Variants in DLG1 observed in about 807,000 individuals in gnomAD.
DLG1 encodes discs large MAGUK scaffold protein 1, also known as disks large homolog 1.
In DLG1, 42 loss-of-function variants were observed where a neutral mutation model predicts 123.4. The ratio of observed to expected loss-of-function variants is 0.34; its 90% CI spans 0.27 to 0.44. The LOEUF is 0.44. Ranked by LOEUF, DLG1 falls within the 20% of genes least tolerant of loss-of-function variation. The pLI is 1.00. For missense variants in DLG1, 942 were observed against 1,082.6 expected, an observed-to-expected ratio of 0.87 and a Z score of 1.82; for synonymous variants, 317 against 356.2, an observed-to-expected ratio of 0.89 and a Z score of 1.24.
chr3:197,262,740 A>G (rs1759964927), intron 4 of DLG1, among the ~76,000 whole-genome samples: 1 of 152,228 alleles, frequency 6.6e-6, no homozygotes, highest in South Asian at 2.1e-4. Flanking sequence ...ATTGAATTAT[A>G]GGACACCCAG....
At chr3:197,279,200 TTC>T (rs1293686821) in intron 4 of DLG1, among the ~76,000 whole-genome samples, 2 of 152,178 alleles carry the variant, frequency 1.3e-5, no homozygotes, top group African/African-American at 2.4e-5. Context: ...CATGCTTACT[TTC>T]TCTCATAGCA....
intron 24 of DLG1, among the ~76,000 whole-genome samples, chr3:197,050,274 G>A (rs1405857485): frequency 6.6e-6 from 1 of 151,834 alleles, no homozygotes; most frequent in Non-Finnish European, 1.5e-5. Context: ...GGCTGAGGCA[G>A]GAGAATGGCG....
chr3:197,293,660 T>C (rs1413753148), intron 3 of DLG1, among the ~76,000 whole-genome samples: 1 of 151,998 alleles, frequency 6.6e-6, no homozygotes, highest in East Asian at 1.9e-4. Context: ...GAAAAGTCAA[T>C]ATAAACTACC....
chr3:197,142,887 A>G (rs1025442177), intron 6 of DLG1, 119 bp from the exon 7 acceptor site: 5 of 691,390 alleles, frequency 7.2e-6, no homozygotes, highest in African/African-American at 1.9e-5. Context: ...AATCAAACAC[A>G]ATAGCTTCAT....
At chr3:197,113,575 T>A (rs1771321939) in intron 13 of DLG1, among the ~76,000 whole-genome samples, 1 of 152,212 alleles carries the variant, frequency 6.6e-6, no homozygotes, top group Non-Finnish European at 1.5e-5. Context: ...AGCTTTAGTA[T>A]GCTATTTGCA....
Position 197,095,402 on chromosome 3 carries a change from A to AC in DLG1, c.1547-4377dup, listed in dbSNP as rs1760092607. On this transcript the variant is annotated intron_variant, in intron 14 of 24. Transcript: ENST00000667157. ...TCACGTCTTTTTAGATCTTTGAGTC[A>AC]CAGCAGTTTCTCGGTGTTTCCTTGA... 2.0e-5 allele frequency among the ~76,000 whole-genome samples: 3 copies of AC among 152,002 alleles called. No homozygotes were observed. The South Asian group carries it at 6.3e-4, about 32-fold the overall frequency.
intron 13 of DLG1, among the ~76,000 whole-genome samples, chr3:197,106,293 C>G (rs1295462964): frequency 6.6e-6 from 1 of 152,098 alleles, no homozygotes; most frequent in South Asian, 2.1e-4. Context: ...GTAGTCCCAG[C>G]TACTCAGGAG....
At chr3:197,195,542 C>T (rs1394402181) in intron 4 of DLG1, among the ~76,000 whole-genome samples, 2 of 152,150 alleles carry the variant, frequency 1.3e-5, no homozygotes, top group South Asian at 4.1e-4. Flanking sequence ...GAATACTATG[C>T]AGCCATAAAA....
chr3:197,066,646 C>A, intron 20 of DLG1, 58 bp downstream of exon 20: 1 of 1,359,776 alleles, frequency 7.4e-7, no homozygotes, highest in Non-Finnish European at 1.0e-6. Context: ...TTTTTTTCCC[C>A]CAAATTAAAA....
intron 5 of DLG1, among the ~76,000 whole-genome samples, chr3:197,177,471 T>C (rs1807741506): frequency 1.3e-5 from 2 of 152,092 alleles, no homozygotes; most frequent in Admixed American, 1.3e-4. Flanking sequence ...GAAGAAAAAA[T>C]ATTTTATCAA....
chr3:197,275,699 T>C (rs930063188), intron 4 of DLG1, among the ~76,000 whole-genome samples: 2 of 152,098 alleles, frequency 1.3e-5, no homozygotes, highest in Non-Finnish European at 2.9e-5. Context: ...GCTGATCCCA[T>C]GGAGTTGGAG....
intron 4 of DLG1, among the ~76,000 whole-genome samples, chr3:197,207,457 T>C (rs1047365427): frequency 6.6e-6 from 1 of 152,042 alleles, no homozygotes; most frequent in African/African-American, 2.4e-5. Context: ...ACTTTTATCT[T>C]TAACATAATC....
chr3:197,075,776 G>A (rs996539881), intron 18 of DLG1: 3 of 1,457,424 alleles, frequency 2.1e-6, no homozygotes, highest in African/African-American at 1.4e-5. Flanking sequence ...AAATGTATCT[G>A]AATAAGGTAG....
At chr3:197,051,459 G>GAT in intron 24 of DLG1, 118 bp downstream of exon 24, 1 of 731,972 alleles carries the variant, frequency 1.4e-6, no homozygotes, top group Admixed American at 2.6e-5. Flanking sequence ...TAGGCTGGAT[G>GAT]ATACTAGTTA....
In DLG1 at chr3:197,113,276, T is replaced by C. The variant is rs558524491; in HGVS notation, c.1443+2651A>G. ...AGTTCTATGGTCCATTTCAAGTTAA[T>C]TTTTCTATACAACATGAAGTAAGAA... is the stretch of plus-strand genomic sequence containing the variant. On this transcript the variant is annotated intron_variant, in intron 13 of 24. Coordinates refer to ENST00000667157, the MANE Select transcript of DLG1 (RefSeq NM_001366207.1). 4.6e-5 allele frequency among the ~76,000 whole-genome samples: 7 copies of C among 152,298 alleles called. No homozygotes were observed. The South Asian group carries it at 1.2e-3, about 27-fold the overall frequency.
chr3:197,043,073 A>G lies in DLG1; in HGVS notation c.*1550T>C, dbSNP rs1297709135. ...ACATATTTAATAAACAACTCCAAAG[A>G]GCAATGGGAAGCCAAATATTATTAT... On this transcript the variant is annotated 3_prime_UTR_variant, in exon 25 of 25. Coordinates refer to ENST00000667157, the MANE Select transcript of DLG1 (RefSeq NM_001366207.1). The G allele has an allele frequency of 1.3e-5, 2 of 152,240 alleles. No individual in the cohort carries two copies. The highest frequency in any genetic ancestry group is 2.9e-5 in the Non-Finnish European group (2 of 68,044). The allele number at this position is 152,240 out of a possible 1,614,324, so 9.4% of individuals were successfully genotyped here.
At chr3:197,078,165 T>G (rs1578663693) in intron 17 of DLG1, among the ~76,000 whole-genome samples, 1 of 143,242 alleles carries the variant, frequency 7.0e-6, no homozygotes, top group African/African-American at 2.6e-5. Flanking sequence ...AAAAAAAAAA[T>G]TAGCTGGGAG....
At chr3:197,140,580 CTG>C (rs764492434) in intron 7 of DLG1, among the ~76,000 whole-genome samples, 2 of 152,184 alleles carry the variant, frequency 1.3e-5, no homozygotes, top group Non-Finnish European at 2.9e-5. Flanking sequence ...CACTGTAAGT[CTG>C]TTTCTTTTAG....
At chr3:197,058,915 T>A (rs1733819035) in intron 23 of DLG1, among the ~76,000 whole-genome samples, 1 of 152,170 alleles carries the variant, frequency 6.6e-6, no homozygotes, top group South Asian at 2.1e-4. Context: ...ATATTTTACT[T>A]TTATGAAATG....
Sources: gnomAD v4.1 joint callset for allele counts (sites outside exome capture counted in the v4.1 genomes callset) on GRCh38, gnomAD v4.1.1 for gene constraint, MANE v1.5 for transcripts, NCBI Gene and HGNC (gene_info 2026-07-23, HGNC 2026-07-21) for gene names.